Variants in WASHC4 observed in about 807,000 individuals in gnomAD.
WASHC4 encodes WASH complex subunit 7.
Under a neutral mutation model 166.6 loss-of-function variants are expected in WASHC4, and 86 were observed. The observed-to-expected ratio is 0.52, with a 90% CI of 0.43 to 0.62. WASHC4 has a LOEUF of 0.62. Ranked by LOEUF, WASHC4 falls within the 20% of genes least tolerant of loss-of-function variation. The pLI is 0.00. For synonymous variants in WASHC4, 446 were observed against 451.6 expected, an observed-to-expected ratio of 0.99 and a Z score of 0.16; for missense variants, 1,262 against 1,382.4, an observed-to-expected ratio of 0.91 and a Z score of 1.38.
chr12:105,159,988 T>G lies in WASHC4; in HGVS notation c.2913-13T>G. On this transcript the variant is annotated splice_polypyrimidine_tract_variant and intron_variant, in intron 28 of 32. Transcript: ENST00000332180. ...CTTTTGAGAAAGGAACCAAATAATT[T>G]TTTGCTTTTTAGGCATTTGGATTCA... The G allele has an allele frequency of 6.2e-7, 1 of 1,613,172 alleles. No individual in the cohort carries two copies. Among genetic ancestry groups the G allele is most frequent in the South Asian group, 1.1e-5 (1 of 91,064 alleles).
chr12:105,163,069 G>C (rs895376204), intron 30 of WASHC4, among the ~76,000 whole-genome samples: 3 of 151,912 alleles, frequency 2.0e-5, no homozygotes, highest in African/African-American at 7.3e-5. Context: ...CCATTCTCCT[G>C]CCTCAGCCTC....
At chr12:105,147,233 C>T (rs1883370216) in intron 24 of WASHC4, 87 bp downstream of exon 24, 2 of 799,612 alleles carry the variant, frequency 2.5e-6, no homozygotes, top group African/African-American at 1.7e-5. Context: ...TTGCGGTAAA[C>T]ATACACTACT....
At chr12:105,122,751 A>G (rs1592855114) in intron 10 of WASHC4, among the ~76,000 whole-genome samples, 1 of 152,048 alleles carries the variant, frequency 6.6e-6, no homozygotes, top group Non-Finnish European at 1.5e-5. Flanking sequence ...TTACTATTGT[A>G]ATTGTTCTGG....
chr12:105,126,634 T>G (rs1881310724), intron 12 of WASHC4, among the ~76,000 whole-genome samples: 1 of 152,010 alleles, frequency 6.6e-6, no homozygotes, highest in South Asian at 2.1e-4. Context: ...TTTCCTTTTC[T>G]TTGCCACTGA....
chr12:105,159,994 T>C lies in WASHC4; in HGVS notation c.2913-7T>C, dbSNP rs777373938. 3 of 1,613,674 alleles carry C rather than the reference T, an allele frequency of 1.9e-6. No individual in the cohort carries two copies. The highest frequency in any genetic ancestry group is 1.7e-5 in the Admixed American group (1 of 60,016). On this transcript the variant is annotated splice_region_variant and splice_polypyrimidine_tract_variant and intron_variant, in intron 28 of 32. Transcript: ENST00000332180. ...AGAAAGGAACCAAATAATTTTTTGC[T>C]TTTTAGGCATTTGGATTCAGTCCTC...
At chr12:105,142,606 CTG>C in intron 19 of WASHC4, 48 bp downstream of exon 19, 2 of 1,062,634 alleles carry the variant, frequency 1.9e-6, no homozygotes, top group Non-Finnish European at 2.9e-6. Context: ...TTAAAAGTCA[CTG>C]TGTAAACCGT....
chr12:105,113,060 T>TC (rs919227684), intron 2 of WASHC4, among the ~76,000 whole-genome samples: 25 of 151,476 alleles, frequency 1.7e-4, no homozygotes, highest in Non-Finnish European at 2.5e-4. Flanking sequence ...TTAAAAATCA[T>TC]CCCCCCCCAA....
rs1883582456 is a variant in WASHC4, at chr12:105,149,680, A to G, written c.2580A>G (p.Glu860=). Residue 860 remains glutamate, a synonymous_variant, in exon 25 of 33, where the codon GAA becomes GAG. Transcript: ENST00000332180. ...FYIFSQFMYD[E]HIKSRLIKDI... The stretch of plus-strand genomic sequence containing the variant: ...TATTTAGCCAATTTATGTATGATGA[A>G]CACATCAAATCCAGATTGATTAAAG... 3.8e-6 allele frequency: 6 copies of G among 1,575,866 alleles called. No individual in the cohort carries two copies. The highest frequency in any genetic ancestry group is 5.2e-6 in the Non-Finnish European group (6 of 1,147,374).
intron 1 of WASHC4, among the ~76,000 whole-genome samples, chr12:105,108,698 G>A (rs1013048751): frequency 6.6e-6 from 1 of 152,054 alleles, no homozygotes; most frequent in Non-Finnish European, 1.5e-5. Context: ...ATAGTAATCT[G>A]TGTAAGTGAT....
At chr12:105,112,025 T>C (rs1879722874) in intron 2 of WASHC4, among the ~76,000 whole-genome samples, 1 of 152,196 alleles carries the variant, frequency 6.6e-6, no homozygotes, top group Non-Finnish European at 1.5e-5. Context: ...AAAGAAACCA[T>C]GTACCGTGTG....
At position 105,160,164 on chromosome 12, in the gene WASHC4, A is replaced by G; in HGVS notation, c.3060+16A>G. 1 of 1,607,252 alleles carries G rather than the reference A, an allele frequency of 6.2e-7. No individual in the cohort carries two copies. Among genetic ancestry groups the G allele is most frequent in the Non-Finnish European group, 8.5e-7 (1 of 1,174,344 alleles). On this transcript the variant is annotated intron_variant, in intron 29 of 32. Transcript: ENST00000332180. The stretch of plus-strand genomic sequence containing the variant: ...TCCCCCTCTGGTGAGTATTTCCAGA[A>G]CCTAAAATGAATTTTTTTTTTAAAA...
intron 10 of WASHC4, among the ~76,000 whole-genome samples, chr12:105,125,474 A>C (rs558568857): frequency 1.1e-4 from 17 of 152,184 alleles, no homozygotes; most frequent in Non-Finnish European, 2.1e-4. Context: ...GGTAGACAAA[A>C]GTTATATGAA....
rs1372523448 is a variant in WASHC4, at chr12:105,164,424, T to C, written c.3354+117T>C. On this transcript the variant is annotated intron_variant, in intron 31 of 32. Transcript: ENST00000332180. Reference sequence around the variant, plus strand: ...CTACCATTTTCACAAGTGAGATGAATAGTGGCAAAAAGATTATATTTTAAA... The same window carrying C: ...CTACCATTTTCACAAGTGAGATGAACAGTGGCAAAAAGATTATATTTTAAA... 2.8e-5 allele frequency: 27 copies of C among 952,216 alleles called. No individual in the cohort carries two copies. In the East Asian group the frequency reaches 6.5e-4, roughly 23 times the overall value. 59.0% of individuals were successfully genotyped at this position (952,216 alleles called of 1,614,324 possible).
intron 28 of WASHC4, among the ~76,000 whole-genome samples, chr12:105,158,897 G>T (rs1379373498): frequency 1.3e-5 from 2 of 152,118 alleles, no homozygotes; most frequent in Non-Finnish European, 1.5e-5. Context: ...AGGGTATACG[G>T]GTGTTCATTA....
intron 18 of WASHC4, among the ~76,000 whole-genome samples, chr12:105,142,010 G>T (rs1281765018): frequency 1.4e-5 from 1 of 71,004 alleles, no homozygotes; most frequent in Non-Finnish European, 2.7e-5. Flanking sequence ...GGGGCGGGGG[G>T]GGTCACAATT....
chr12:105,155,863 A>G (rs1019038423), intron 26 of WASHC4, among the ~76,000 whole-genome samples: 4 of 151,984 alleles, frequency 2.6e-5, no homozygotes, highest in African/African-American at 9.7e-5. Flanking sequence ...AAAGCACTAT[A>G]CGCTCTAACT....
At chr12:105,148,752 ACTTGAG>A in intron 24 of WASHC4, 1 of 985,444 alleles carries the variant, frequency 1.0e-6, no homozygotes, top group Non-Finnish European at 1.2e-6. Context: ...CATTAGTAAT[ACTTGAG>A]AGTTAGTGGG....
rs528976000 is a variant in WASHC4, at chr12:105,160,218, T to C, written c.3060+70T>C. 27 of 1,325,890 alleles carry C rather than the reference T, an allele frequency of 2.0e-5. No individual in the cohort carries two copies. The South Asian group carries it at 3.2e-4, about 16-fold the overall frequency. 82.1% of individuals were successfully genotyped at this position (1,325,890 alleles called of 1,614,324 possible). On this transcript the variant is annotated intron_variant, in intron 29 of 32. Coordinates refer to ENST00000332180, the MANE Select transcript of WASHC4 (RefSeq NM_015275.3). ...GTATGCACAAATAGATCTGGTTTCT[T>C]TGTAACACGAAATGCATACAGACTA...
rs1194314584 is a variant in WASHC4, at chr12:105,116,261, A to ATTGAAGCT, written c.435+534_435+541dup. Among the ~76,000 whole-genome samples the ATTGAAGCT allele has an allele frequency of 3.3e-5, 5 of 152,290 alleles. No homozygotes were observed. The East Asian group carries it at 7.7e-4, about 24-fold the overall frequency. ...GCATGTACGATGTGAAAAAGCAAAA[A>ATTGAAGCT]TTGAAGCTAAGGAAAAAATACCCAT... is the stretch of plus-strand genomic sequence containing the variant. On this transcript the variant is annotated intron_variant, in intron 6 of 32. Transcript: ENST00000332180.
Sources: allele counts gnomAD v4.1 joint callset (sites outside exome capture counted in the v4.1 genomes callset), GRCh38; gene constraint gnomAD v4.1.1; transcripts MANE v1.5; gene names NCBI Gene and HGNC (gene_info 2026-07-23, HGNC 2026-07-21).